The following ASTN2 variants were observed in gnomAD, a reference collection of about 807,000 sequenced individuals.
The protein encoded by ASTN2 is astrotactin-2.
ASTN2 carries 54 observed loss-of-function variants against 139.8 expected under a neutral mutation model. The observed-to-expected ratio is 0.39, with a 90% CI of 0.31 to 0.48. The LOEUF is 0.48. Ranked by LOEUF, ASTN2 falls within the 20% of genes least tolerant of loss-of-function variation. The pLI is 0.95. For synonymous variants in ASTN2, 756 were observed against 719.5 expected (o/e 1.05, Z -0.81); for missense variants, 1,565 against 1,725.1 (o/e 0.91, Z 1.64).
rs575931514 is a variant in ASTN2 at position 117,060,344 on chromosome 9, GAGAAAGAAAGAAAGAA to G, written c.1277-20395_1277-20380del. Among the ~76,000 whole-genome samples the G allele has an allele frequency of 3.3e-3, 197 of 58,922 alleles. 8 individuals are homozygous for G. The highest frequency in any genetic ancestry group is 0.012 in the African/African-American group (154 of 12,516). The allele number at this position is 58,922 out of a possible 152,430, so 38.7% of individuals were successfully genotyped here. The stretch of plus-strand genomic sequence containing the variant: ...AAAGAAAGAAAGAAAGAAAGAAAGA[GAGAAAGAAAGAAAGAA>G]AGAAAGAAAGAAAGAAAGAAAGAAA... On this transcript the variant is annotated intron_variant, in intron 5 of 22. Transcript: ENST00000313400.
intron 1 of ASTN2, among the ~76,000 whole-genome samples, chr9:117,312,553 A>G (rs1413144234): frequency 2.0e-5 from 3 of 152,222 alleles, no homozygotes; most frequent in East Asian, 3.8e-4. Context: ...CATTTACAAT[A>G]CAGATATTAC....
rs551098294 is a variant in ASTN2 at position 117,241,933 on chromosome 9, C to G, written c.631-27191G>C. 2.4e-3 allele frequency among the ~76,000 whole-genome samples: 347 copies of G among 147,302 alleles called. 3 individuals are homozygous for G. Among genetic ancestry groups the G allele is most frequent in the Non-Finnish European group, 3.8e-3 (253 of 66,384 alleles). On this transcript the variant is annotated intron_variant, in intron 2 of 22. Transcript: ENST00000313400. ...GTAGAACGTGCAAGTTACCCCCCCCCACACACACACACACCACACACCCCT... is the reference window on the plus strand; with the variant it reads ...GTAGAACGTGCAAGTTACCCCCCCCGACACACACACACACCACACACCCCT...
Position 117,114,578 on chromosome 9 carries a change from C to A in ASTN2, c.1169-18427G>T, listed in dbSNP as rs182370692. On this transcript the variant is annotated intron_variant, in intron 4 of 22. Transcript: ENST00000313400. Reference sequence around the variant, plus strand: ...AGAGTCAGAAAACCTAAGTTTGAGGCTTTTTTGTTGTTTTGTTTTGTTTTT... The same window carrying A: ...AGAGTCAGAAAACCTAAGTTTGAGGATTTTTTGTTGTTTTGTTTTGTTTTT... Among the ~76,000 whole-genome samples, 431 of 146,912 alleles carry A rather than the reference C, an allele frequency of 2.9e-3. 2 individuals are homozygous for A. Among genetic ancestry groups the A allele is most frequent in the African/African-American group, 0.01 (416 of 41,056 alleles).
Position 116,602,393 on chromosome 9 carries a change from G to A in ASTN2, c.3355+15931C>T, listed in dbSNP as rs534976158. Among the ~76,000 whole-genome samples, 5 of 152,186 alleles carry A rather than the reference G, an allele frequency of 3.3e-5. No individual in the cohort carries two copies. The South Asian group carries it at 1.0e-3, about 32-fold the overall frequency. ...TGATGTAAATAATCTACTAGAGAAG[G>A]AGAGATATAAAATATAGGATATAAG... On this transcript the variant is annotated intron_variant, in intron 19 of 22. Coordinates refer to ENST00000313400, the MANE Select transcript of ASTN2 (RefSeq NM_001365068.1).
At chr9:116,882,686 C>T (rs1469932175) in intron 10 of ASTN2, among the ~76,000 whole-genome samples, 1 of 152,104 alleles carries the variant, frequency 6.6e-6, no homozygotes, top group Non-Finnish European at 1.5e-5. Flanking sequence ...TATTGGCAGA[C>T]CATAGTGGCT....
chr9:117,017,969 A>AAG (rs1837765416), intron 6 of ASTN2, among the ~76,000 whole-genome samples: 1 of 151,056 alleles, frequency 6.6e-6, no homozygotes, highest in African/African-American at 2.4e-5. Context: ...AAAAAAAAAA[A>AAG]AAAGTCACCT....
At chr9:116,671,941 C>T (rs1859219041) in intron 16 of ASTN2, among the ~76,000 whole-genome samples, 1 of 152,076 alleles carries the variant, frequency 6.6e-6, no homozygotes, top group South Asian at 2.1e-4. Flanking sequence ...AACGAGATAA[C>T]CTGTGCTTGG....
intron 1 of ASTN2, among the ~76,000 whole-genome samples, chr9:117,349,408 T>G (rs906154455): frequency 6.6e-6 from 1 of 152,188 alleles, no homozygotes; most frequent in Non-Finnish European, 1.5e-5. Context: ...TATCTTGGAC[T>G]AAATTCAGCA....
chr9:116,915,142 A>G (rs1471293034), intron 10 of ASTN2, among the ~76,000 whole-genome samples: 1 of 152,248 alleles, frequency 6.6e-6, no homozygotes, highest in Non-Finnish European at 1.5e-5. Flanking sequence ...AGCAGTCCCC[A>G]TTAAGATATG....
intron 13 of ASTN2, among the ~76,000 whole-genome samples, chr9:116,756,591 A>C (rs1231528757): frequency 1.3e-5 from 2 of 152,056 alleles, no homozygotes; most frequent in Non-Finnish European, 2.9e-5. Context: ...TAGCTCTGGC[A>C]CCTATTCAGT....
chr9:116,838,097 C>CTG (rs1832062101), intron 11 of ASTN2, among the ~76,000 whole-genome samples: 2 of 143,128 alleles, frequency 1.4e-5, no homozygotes, highest in African/African-American at 5.2e-5. Flanking sequence ...TTCTGCCTGG[C>CTG]TGTGTTTTTT....
intron 16 of ASTN2, chr9:116,687,345 T>C (rs1302739053): frequency 3.5e-6 from 3 of 851,322 alleles, no homozygotes; most frequent in African/African-American, 2.0e-5. Context: ...GCGGGTGGGC[T>C]GCCGGCGGTG....
intron 6 of ASTN2, among the ~76,000 whole-genome samples, chr9:117,034,952 A>G (rs148409362): frequency 1.2e-4 from 18 of 152,290 alleles, no homozygotes; most frequent in African/African-American, 4.1e-4. Flanking sequence ...TTTCTTTATA[A>G]TCGACAGTAA....
chr9:117,338,129 CAGA>C (rs1376381971), intron 1 of ASTN2, among the ~76,000 whole-genome samples: 3 of 152,168 alleles, frequency 2.0e-5, no homozygotes, highest in Non-Finnish European at 2.9e-5. Flanking sequence ...ATGGAGAGAA[CAGA>C]AGGATTAGGA....
At chr9:117,157,752 G>T (rs7019490) in intron 3 of ASTN2, among the ~76,000 whole-genome samples, 15,976 of 152,068 alleles carry the variant, frequency 0.11, 1,031 homozygotes, top group Middle Eastern at 0.17. Flanking sequence ...TTCCTATAGG[G>T]TTGGTGCTAT....
intron 4 of ASTN2, among the ~76,000 whole-genome samples, chr9:117,120,924 G>A (rs1829541951): frequency 6.6e-6 from 1 of 152,208 alleles, no homozygotes; most frequent in African/African-American, 2.4e-5. Context: ...GTAACAGTGA[G>A]CTAATACAAA....
intron 10 of ASTN2, among the ~76,000 whole-genome samples, chr9:116,939,334 A>G (rs1490913831): frequency 2.0e-5 from 3 of 152,164 alleles, no homozygotes; most frequent in African/African-American, 7.2e-5. Flanking sequence ...TATTATAACA[A>G]TAAAATTATT....
intron 19 of ASTN2, among the ~76,000 whole-genome samples, chr9:116,501,619 C>T (rs1249128874): frequency 6.6e-6 from 1 of 151,626 alleles, no homozygotes; most frequent in Non-Finnish European, 1.5e-5. Context: ...ACATCCTCTC[C>T]AGCACCTGTT....
intron 19 of ASTN2, among the ~76,000 whole-genome samples, chr9:116,499,911 A>G (rs895259926): frequency 1.3e-5 from 2 of 152,196 alleles, no homozygotes; most frequent in Non-Finnish European, 2.9e-5. Flanking sequence ...GCACAGGACC[A>G]TAATAAAAAG....
Sources: gnomAD v4.1 joint callset for allele counts (sites outside exome capture counted in the v4.1 genomes callset) on GRCh38, gnomAD v4.1.1 for gene constraint, MANE v1.5 for transcripts, NCBI Gene and HGNC (gene_info 2026-07-23, HGNC 2026-07-21) for gene names.